SUPT3H: variants seen among roughly 807,000 people sequenced by gnomAD.
SUPT3H encodes the protein transcription initiation protein SPT3 homolog.
A neutral mutation model predicts 44.3 loss-of-function variants in SUPT3H; 44 were observed. The ratio of observed to expected loss-of-function variants is 0.99; its 90% CI spans 0.78 to 1.28. SUPT3H has a LOEUF of 1.28. SUPT3H is among the 50% of genes most tolerant of loss of function. The probability of loss-of-function intolerance (pLI) is 0.00; values close to 1 mark genes in which losing one functional copy is unlikely to be tolerated. For synonymous variants in SUPT3H, 124 were observed against 125.6 expected, an observed-to-expected ratio of 0.99 and a Z score of 0.09; for missense variants, 380 against 387.1, an observed-to-expected ratio of 0.98 and a Z score of 0.15.
At chr6:45,103,745 G>A (rs1256773175) in intron 3 of SUPT3H, among the ~76,000 whole-genome samples, 6 of 152,062 alleles carry the variant, frequency 3.9e-5, no homozygotes, top group Non-Finnish European at 8.8e-5. Context: ...TTGATACCTA[G>A]TGTTCAACAA....
chr6:45,018,008 C>G (rs990511070), intron 4 of SUPT3H, among the ~76,000 whole-genome samples: 1 of 151,668 alleles, frequency 6.6e-6, no homozygotes, highest in Non-Finnish European at 1.5e-5. Context: ...TGTTTGTATC[C>G]TCTTTTATTT....
intron 2 of SUPT3H, among the ~76,000 whole-genome samples, chr6:45,348,861 TGA>T (rs1408073877): frequency 6.6e-6 from 1 of 152,192 alleles, no homozygotes; most frequent in Non-Finnish European, 1.5e-5. Context: ...GAACTCTCTT[TGA>T]GAGGCTTTAG....
intron 2 of SUPT3H, among the ~76,000 whole-genome samples, chr6:45,277,728 T>C (rs55959525): frequency 0.15 from 22,852 of 152,184 alleles, 1,960 homozygotes; most frequent in East Asian, 0.26. Context: ...TTAGAAGTGA[T>C]AGACTGGATA....
At chr6:44,923,954 A>T (rs1256764169) in intron 10 of SUPT3H, among the ~76,000 whole-genome samples, 1 of 152,178 alleles carries the variant, frequency 6.6e-6, no homozygotes, top group Non-Finnish European at 1.5e-5. Flanking sequence ...TAGACGAAGC[A>T]AAATAAATTT....
chr6:45,151,741 CAA>C (rs1235066995), intron 2 of SUPT3H, among the ~76,000 whole-genome samples: 1 of 152,098 alleles, frequency 6.6e-6, no homozygotes, highest in Non-Finnish European at 1.5e-5. Context: ...CAATTTATAT[CAA>C]GTTTCTCTTT....
intron 5 of SUPT3H, among the ~76,000 whole-genome samples, chr6:45,007,539 T>A (rs1430477153): frequency 6.6e-6 from 1 of 152,116 alleles, no homozygotes; most frequent in Non-Finnish European, 1.5e-5. Flanking sequence ...TGACAAAAAA[T>A]CATTTAGTTG....
At chr6:45,047,970 ACAAT>A (rs779769182) in intron 3 of SUPT3H, among the ~76,000 whole-genome samples, 74 of 152,112 alleles carry the variant, frequency 4.9e-4, no homozygotes, top group South Asian at 1.2e-3. Flanking sequence ...TATTCCATTA[ACAAT>A]CAAACTTTTA....
intron 2 of SUPT3H, among the ~76,000 whole-genome samples, chr6:45,286,190 G>C (rs543073451): frequency 3.3e-5 from 5 of 151,484 alleles, no homozygotes; most frequent in African/African-American, 1.2e-4. Flanking sequence ...GCATGGGCCA[G>C]GACTTCATGT....
At chr6:44,889,256 G>A (rs1476469546) in intron 10 of SUPT3H, among the ~76,000 whole-genome samples, 1 of 152,060 alleles carries the variant, frequency 6.6e-6, no homozygotes, top group African/African-American at 2.4e-5. Context: ...CACAGAATTG[G>A]AAAACACTAC....
chr6:44,997,085 T>C (rs756331304), intron 6 of SUPT3H, among the ~76,000 whole-genome samples: 12 of 151,814 alleles, frequency 7.9e-5, no homozygotes, highest in Non-Finnish European at 3.0e-5. Flanking sequence ...GCAAAAGTAA[T>C]TGTGGTTTTG....
chr6:44,943,084 C>G (rs1386952867), intron 9 of SUPT3H, among the ~76,000 whole-genome samples: 2 of 151,980 alleles, frequency 1.3e-5, no homozygotes, highest in Non-Finnish European at 2.9e-5. Flanking sequence ...ATTTTGCAAT[C>G]AAGAATTTTA....
At chr6:45,182,544 G>A (rs571541631) in intron 2 of SUPT3H, among the ~76,000 whole-genome samples, 2 of 152,332 alleles carry the variant, frequency 1.3e-5, no homozygotes, top group South Asian at 4.1e-4. Flanking sequence ...TTACAGGCGT[G>A]AGCCACCGCA....
At chr6:45,061,126 A>G (rs539564168) in intron 3 of SUPT3H, among the ~76,000 whole-genome samples, 6 of 152,182 alleles carry the variant, frequency 3.9e-5, no homozygotes, top group Non-Finnish European at 8.8e-5. Flanking sequence ...AAATCATTCA[A>G]TTATAAAGAT....
intron 2 of SUPT3H, among the ~76,000 whole-genome samples, chr6:45,233,311 G>A (rs1163643100): frequency 6.6e-6 from 1 of 152,180 alleles, no homozygotes; most frequent in Non-Finnish European, 1.5e-5. Context: ...GGAAATATGG[G>A]AGCTGTGGTC....
intron 2 of SUPT3H, among the ~76,000 whole-genome samples, chr6:45,137,983 C>T (rs979895421): frequency 6.6e-6 from 1 of 151,902 alleles, no homozygotes; most frequent in African/African-American, 2.4e-5. Flanking sequence ...AGGACTTGTA[C>T]TCAGAATATA....
chr6:44,860,144 C>T (rs1774394830), intron 10 of SUPT3H, among the ~76,000 whole-genome samples: 1 of 152,124 alleles, frequency 6.6e-6, no homozygotes, highest in South Asian at 2.1e-4. Context: ...CTGATAAGGT[C>T]GTGGGGAATT....
chr6:44,950,474 C>A (rs1562115979), intron 9 of SUPT3H, among the ~76,000 whole-genome samples: 1 of 152,138 alleles, frequency 6.6e-6, no homozygotes, highest in African/African-American at 2.4e-5. Context: ...AATAGCCGAG[C>A]ATAGTGGTGT....
At chr6:45,139,030 CCTAG>C (rs1804758153) in intron 2 of SUPT3H, among the ~76,000 whole-genome samples, 1 of 152,128 alleles carries the variant, frequency 6.6e-6, no homozygotes, top group Non-Finnish European at 1.5e-5. Context: ...GAAAAAAATT[CCTAG>C]CTACCTCAAG....
rs562769839 is a variant in SUPT3H at position 45,200,326 on chromosome 6, CTAGTAAGTTACCATTAAATGAAAGT to C, written c.102-94345_102-94321del. The stretch of plus-strand genomic sequence containing the variant: ...ACTGCCATATATATTTTGTCTATTT[CTAGTAAGTTACCATTAAATGAAAGT>C]TAAATTGTTCAATGTTGAATGAAAG... On this transcript the variant is annotated intron_variant, in intron 2 of 10. Transcript: ENST00000371459. Among the ~76,000 whole-genome samples, 355 of 151,384 alleles carry C rather than the reference CTAGTAAGTTACCATTAAATGAAAGT, an allele frequency of 2.3e-3. 1 individual carries two copies. The highest frequency in any genetic ancestry group is 7.8e-3 in the African/African-American group (324 of 41,466).
Sources: allele counts gnomAD v4.1 joint callset (sites outside exome capture counted in the v4.1 genomes callset), GRCh38; gene constraint gnomAD v4.1.1; transcripts MANE v1.5; gene names NCBI Gene and HGNC (gene_info 2026-07-23, HGNC 2026-07-21).